IRF2: variants seen among roughly 807,000 people sequenced by gnomAD.
IRF2 encodes the protein interferon regulatory factor 2.
In IRF2, 15 loss-of-function variants were observed where a neutral mutation model predicts 40.6. The observed-to-expected ratio is 0.37, with a 90% confidence interval of 0.25 to 0.57. The LOEUF is 0.57. IRF2 is among the 20% of genes least tolerant of loss of function. IRF2 has a pLI of 0.77. For missense variants in IRF2, 317 were observed against 455.7 expected, an observed-to-expected ratio of 0.70 and a Z score of 2.77; for synonymous variants, 151 against 165.5, an observed-to-expected ratio of 0.91 and a Z score of 0.67.
chr4:184,455,021 A>G (rs1019534813), intron 1 of IRF2, among the ~76,000 whole-genome samples: 12 of 152,160 alleles, frequency 7.9e-5, no homozygotes, highest in African/African-American at 2.9e-4. Context: ...CTGTAATAGA[A>G]GCATATTCTC....
chr4:184,435,755 A>G (rs906643658), intron 1 of IRF2, among the ~76,000 whole-genome samples: 5 of 152,162 alleles, frequency 3.3e-5, no homozygotes, highest in Non-Finnish European at 5.9e-5. Context: ...AGCTAGGAAA[A>G]GGGGTTCCTG....
intron 1 of IRF2, among the ~76,000 whole-genome samples, chr4:184,455,243 T>TCCCCCCCCCCCCCC (rs1561125225): frequency 1.8e-5 from 1 of 56,706 alleles, no homozygotes; most frequent in Non-Finnish European, 3.6e-5. Context: ...TTCTTCTTCC[T>TCCCCCCCCCCCCCC]CCCCTCCCCT....
chr4:184,428,757 C>A, intron 2 of IRF2: 1 of 574,924 alleles, frequency 1.7e-6, no homozygotes, highest in South Asian at 1.6e-5. Context: ...TATGACTGCA[C>A]CACTGCACTC....
intron 6 of IRF2, among the ~76,000 whole-genome samples, chr4:184,401,062 T>G (rs1365995900): frequency 1.3e-5 from 2 of 152,256 alleles, no homozygotes; most frequent in African/African-American, 4.8e-5. Context: ...GAGAGTGACT[T>G]GTCCAGACTC....
At chr4:184,405,353 C>T (rs541719304) in intron 6 of IRF2, among the ~76,000 whole-genome samples, 4 of 152,334 alleles carry the variant, frequency 2.6e-5, no homozygotes, top group African/African-American at 9.6e-5. Flanking sequence ...AGCTATACCT[C>T]CTGCTGGAAC....
intron 2 of IRF2, 80 bp downstream of exon 2, chr4:184,428,898 C>T (rs181284908): frequency 1.1e-5 from 12 of 1,109,734 alleles, no homozygotes; most frequent in East Asian, 9.5e-5. Flanking sequence ...TGAATACACA[C>T]GATTTTACTT....
chr4:184,430,891 T>C (rs1037905425), intron 1 of IRF2, among the ~76,000 whole-genome samples: 2 of 152,066 alleles, frequency 1.3e-5, no homozygotes, highest in African/African-American at 4.8e-5. Flanking sequence ...AGCTGGGGTC[T>C]CCCTATGCTA....
intron 1 of IRF2, among the ~76,000 whole-genome samples, chr4:184,443,418 C>G (rs1738386156): frequency 6.6e-6 from 1 of 152,172 alleles, no homozygotes; most frequent in Non-Finnish European, 1.5e-5. Flanking sequence ...ATCCTCATGT[C>G]CATGTGTACT....
intron 1 of IRF2, among the ~76,000 whole-genome samples, chr4:184,437,237 T>C (rs915025047): frequency 5.3e-5 from 8 of 152,234 alleles, no homozygotes; most frequent in African/African-American, 1.7e-4. Flanking sequence ...TTTGTATTTT[T>C]AGTCGAGACG....
rs34566726 is a variant in IRF2 at position 184,395,412 on chromosome 4, C to CAAAAAAAAAAAAA, written c.694+3490_694+3502dup. Among the ~76,000 whole-genome samples the CAAAAAAAAAAAAA allele has an allele frequency of 3.0e-5, 2 of 67,098 alleles. 1 individual carries two copies. The highest frequency in any genetic ancestry group is 1.2e-4 in the African/African-American group (2 of 17,350). 44.0% of individuals were successfully genotyped at this position (67,098 alleles called of 152,430 possible). The stretch of plus-strand genomic sequence containing the variant: ...TGGGCGACAGAGCGAGACTCCGTCT[C>CAAAAAAAAAAAAA]AAAAAAAAAAAAAAAAAAAAAAAGG... On this transcript the variant is annotated intron_variant, in intron 7 of 8. Transcript: ENST00000393593.
At chr4:184,437,749 G>A (rs72703786) in intron 1 of IRF2, among the ~76,000 whole-genome samples, 8,275 of 150,214 alleles carry the variant, frequency 0.055, 302 homozygotes, top group Middle Eastern at 0.13. Context: ...GAGTCATGCA[G>A]CACTCTATAC....
chr4:184,456,069 G>C (rs1302583618), intron 1 of IRF2, among the ~76,000 whole-genome samples: 1 of 152,156 alleles, frequency 6.6e-6, no homozygotes, highest in Non-Finnish European at 1.5e-5. Flanking sequence ...GAGCACACCG[G>C]AGTGGGTGCC....
intron 7 of IRF2, among the ~76,000 whole-genome samples, chr4:184,396,035 A>C (rs574061974): frequency 6.6e-6 from 1 of 152,204 alleles, no homozygotes; most frequent in East Asian, 1.9e-4. Flanking sequence ...CCAACCCCCT[A>C]AAAAAAGAAG....
At chr4:184,457,270 C>T (rs553183802) in intron 1 of IRF2, among the ~76,000 whole-genome samples, 1 of 152,332 alleles carries the variant, frequency 6.6e-6, no homozygotes, top group East Asian at 1.9e-4. Flanking sequence ...CTCAATATGG[C>T]ACGGGCAGCT....
chr4:184,423,161 C>T (rs901032582), intron 2 of IRF2, among the ~76,000 whole-genome samples: 3 of 152,162 alleles, frequency 2.0e-5, no homozygotes, highest in South Asian at 2.1e-4. Context: ...GACGGTGTTG[C>T]TATGTGTGTG....
chr4:184,395,856 G>A (rs540885376), intron 7 of IRF2, among the ~76,000 whole-genome samples: 13 of 152,356 alleles, frequency 8.5e-5, no homozygotes, highest in Non-Finnish European at 1.6e-4. Context: ...CCTGAAGAGA[G>A]TAATGAAATG....
chr4:184,462,082 G>A (rs1231491528), intron 1 of IRF2, among the ~76,000 whole-genome samples: 4 of 152,172 alleles, frequency 2.6e-5, no homozygotes, highest in African/African-American at 4.8e-5. Context: ...TCCTAAGAAA[G>A]AGCCAATAGA....
intron 5 of IRF2, among the ~76,000 whole-genome samples, chr4:184,412,137 G>A (rs1373986762): frequency 1.3e-5 from 2 of 152,110 alleles, no homozygotes; most frequent in African/African-American, 4.8e-5. Context: ...CTACGTGGGT[G>A]CATGAACTCC....
chr4:184,399,536 C>T (rs1736594438), intron 6 of IRF2, among the ~76,000 whole-genome samples: 1 of 152,198 alleles, frequency 6.6e-6, no homozygotes, highest in Admixed American at 6.5e-5. Context: ...TCAAACCTTA[C>T]TAAAGAGGAA....
Sources: allele counts gnomAD v4.1 joint callset (sites outside exome capture counted in the v4.1 genomes callset), GRCh38; gene constraint gnomAD v4.1.1; transcripts MANE v1.5; gene names NCBI Gene and HGNC (gene_info 2026-07-23, HGNC 2026-07-21).